Variants in MBD5 observed in about 807,000 individuals in gnomAD.
The protein encoded by MBD5 is methyl-CpG binding domain protein 5, also known as methyl-CpG-binding domain protein 5.
Under a neutral mutation model 117.3 loss-of-function variants are expected in MBD5, and 13 were observed. That is an observed-to-expected ratio of 0.11 (90% CI 0.07 to 0.18). The LOEUF is 0.18. Among genes scored for constraint, MBD5 ranks in the 10% least tolerant of loss-of-function variants. The pLI is 1.00. For synonymous variants in MBD5, 727 were observed against 766.4 expected, an observed-to-expected ratio of 0.95 and a Z score of 0.85; for missense variants, 1,879 against 2,093.8, an observed-to-expected ratio of 0.90 and a Z score of 2.00.
At chr2:148,426,271 T>A (rs1390549270) in intron 4 of MBD5, among the ~76,000 whole-genome samples, 4 of 152,310 alleles carry the variant, frequency 2.6e-5, no homozygotes, top group African/African-American at 4.8e-5. Context: ...AAGCTACCAA[T>A]GACTTTCTTC....
intron 1 of MBD5, among the ~76,000 whole-genome samples, chr2:148,035,361 A>C (rs1283429223): frequency 1.3e-5 from 2 of 152,106 alleles, no homozygotes; most frequent in Non-Finnish European, 2.9e-5. Flanking sequence ...TATGCGTTAA[A>C]AATTTTTTCT....
At chr2:148,224,485 G>A (rs1699767997) in intron 2 of MBD5, among the ~76,000 whole-genome samples, 2 of 150,038 alleles carry the variant, frequency 1.3e-5, no homozygotes, top group South Asian at 2.1e-4. Context: ...TGGGACTACG[G>A]GTGCACGTTG....
chr2:148,484,334 CT>C (rs1459011968), intron 9 of MBD5, among the ~76,000 whole-genome samples, 199 bp downstream of exon 9: 2 of 152,192 alleles, frequency 1.3e-5, no homozygotes, highest in South Asian at 2.1e-4. Flanking sequence ...CCTCTTTCCC[CT>C]ATTCTAGCAA....
chr2:148,289,444 G>A (rs953857069), intron 3 of MBD5, among the ~76,000 whole-genome samples: 1 of 152,106 alleles, frequency 6.6e-6, no homozygotes, highest in Non-Finnish European at 1.5e-5. Flanking sequence ...TACACTGTGG[G>A]TAGGTATAAT....
intron 3 of MBD5, among the ~76,000 whole-genome samples, chr2:148,293,208 C>T (rs1701542500): frequency 6.7e-6 from 1 of 149,588 alleles, no homozygotes; most frequent in Non-Finnish European, 1.5e-5. Flanking sequence ...GTAGTCCCAA[C>T]TCCCTGGGAG....
intron 8 of MBD5, among the ~76,000 whole-genome samples, chr2:148,477,649 CAATGGGA>C (rs1681013648): frequency 6.6e-6 from 1 of 152,010 alleles, no homozygotes; most frequent in Non-Finnish European, 1.5e-5. Flanking sequence ...TTTACTATTT[CAATGGGA>C]TTGAAAAGTG....
intron 3 of MBD5, among the ~76,000 whole-genome samples, chr2:148,333,680 GA>G (rs199930605): frequency 0.27 from 40,023 of 145,714 alleles, 5,539 homozygotes; most frequent in Admixed American, 0.32. Flanking sequence ...TGTCTCTGCT[GA>G]AAAAAAAAAA....
chr2:148,318,144 C>T (rs77586742), intron 3 of MBD5, among the ~76,000 whole-genome samples: 2,350 of 152,130 alleles, frequency 0.015, 65 homozygotes, highest in African/African-American at 0.053. Context: ...TAGTAATAGC[C>T]CTTCTGACTG....
chr2:148,108,149 G>A (rs189388920), intron 1 of MBD5, among the ~76,000 whole-genome samples: 1 of 146,542 alleles, frequency 6.8e-6, no homozygotes, highest in East Asian at 2.2e-4. Context: ...GGGTGGGTGG[G>A]AAAGTGAGTA....
rs1165808390 is a variant in MBD5, at chr2:148,313,269, G to A, written c.-679-28945G>A. Among the ~76,000 whole-genome samples the A allele has an allele frequency of 2.6e-5, 4 of 152,154 alleles. No homozygotes were observed. The East Asian group carries it at 7.7e-4, about 29-fold the overall frequency. On this transcript the variant is annotated intron_variant, in intron 3 of 13. Transcript: ENST00000642680. Reference sequence around the variant, plus strand: ...GCGCCCACAGCTGCCCCTTCCCCCAGGTGCTCTGTCCCAGGGAGGTGGGAG... The same window carrying A: ...GCGCCCACAGCTGCCCCTTCCCCCAAGTGCTCTGTCCCAGGGAGGTGGGAG...
chr2:148,266,211 G>C (rs1051265300), intron 3 of MBD5, among the ~76,000 whole-genome samples: 1 of 151,990 alleles, frequency 6.6e-6, no homozygotes, highest in Non-Finnish European at 1.5e-5. Context: ...TTTATTTGAG[G>C]AATTCAAAAG....
chr2:148,503,561 A>C (rs1222141131), intron 12 of MBD5, among the ~76,000 whole-genome samples: 1 of 152,216 alleles, frequency 6.6e-6, no homozygotes, highest in Non-Finnish European at 1.5e-5. Flanking sequence ...AACAAATCTT[A>C]GGAAGACTCT....
At chr2:148,395,014 T>C (rs947809295) in intron 4 of MBD5, among the ~76,000 whole-genome samples, 4 of 152,284 alleles carry the variant, frequency 2.6e-5, no homozygotes, top group African/African-American at 9.6e-5. Context: ...TGTCTCAGTG[T>C]TGGAGCTCAG....
At chr2:148,506,390 T>A (rs975558132) in intron 12 of MBD5, among the ~76,000 whole-genome samples, 6 of 152,216 alleles carry the variant, frequency 3.9e-5, no homozygotes, top group Non-Finnish European at 7.4e-5. Context: ...AACAATAAAG[T>A]GATTAAGTAA....
intron 2 of MBD5, among the ~76,000 whole-genome samples, chr2:148,221,473 A>G (rs536510765): frequency 5.3e-5 from 8 of 152,158 alleles, no homozygotes; most frequent in Admixed American, 1.3e-4. Context: ...AGGTGAGATG[A>G]TATCTCATTG....
At chr2:148,073,267 T>C (rs548459620) in intron 1 of MBD5, among the ~76,000 whole-genome samples, 1 of 152,200 alleles carries the variant, frequency 6.6e-6, no homozygotes, top group South Asian at 2.1e-4. Context: ...GATTTATCAT[T>C]TGGGGTAGGG....
intron 3 of MBD5, among the ~76,000 whole-genome samples, chr2:148,253,535 A>G (rs1198292609): frequency 6.6e-6 from 1 of 152,222 alleles, no homozygotes; most frequent in African/African-American, 2.4e-5. Context: ...AAATGTTGCA[A>G]TAAAGTGAAC....
intron 4 of MBD5, among the ~76,000 whole-genome samples, chr2:148,388,831 T>C (rs6761403): frequency 0.23 from 34,655 of 152,026 alleles, 4,859 homozygotes; most frequent in African/African-American, 0.39. Flanking sequence ...TTCAAAATTA[T>C]TATAATTATT....
At chr2:148,206,510 A>G (rs1699286694) in intron 2 of MBD5, among the ~76,000 whole-genome samples, 1 of 152,188 alleles carries the variant, frequency 6.6e-6, no homozygotes, top group South Asian at 2.1e-4. Flanking sequence ...TTTGAAATAT[A>G]CAACAAAATA....
Sources: allele counts gnomAD v4.1 joint callset (sites outside exome capture counted in the v4.1 genomes callset), GRCh38; gene constraint gnomAD v4.1.1; transcripts MANE v1.5; gene names NCBI Gene and HGNC (gene_info 2026-07-23, HGNC 2026-07-21).